Variants in DDX10 observed in about 807,000 individuals in gnomAD.
DDX10 encodes the protein probable ATP-dependent RNA helicase DDX10.
In DDX10, 74 loss-of-function variants were observed where a neutral mutation model predicts 104.3. The ratio of observed to expected loss-of-function variants is 0.71; its 90% CI spans 0.59 to 0.86. DDX10 has a LOEUF of 0.86. DDX10 is among the 40% of genes least tolerant of loss of function. The probability of loss-of-function intolerance (pLI) is 0.00; values close to 1 mark genes in which losing one functional copy is unlikely to be tolerated. For synonymous variants in DDX10, 351 were observed against 353.4 expected (o/e 0.99, Z 0.08); for missense variants, 952 against 1,040.0 (o/e 0.92, Z 1.16).
intron 13 of DDX10, among the ~76,000 whole-genome samples, chr11:108,773,756 A>G (rs1349165915): frequency 6.6e-6 from 1 of 152,186 alleles, no homozygotes; most frequent in Non-Finnish European, 1.5e-5. Flanking sequence ...TGCATCTTAG[A>G]GTTCCCTATA....
intron 13 of DDX10, among the ~76,000 whole-genome samples, chr11:108,815,296 C>CT (rs140482138): frequency 0.02 from 3,006 of 150,536 alleles, 109 homozygotes; most frequent in African/African-American, 0.07. Flanking sequence ...GCCTTTTTTT[C>CT]TTTTTTTTTA....
intron 15 of DDX10, among the ~76,000 whole-genome samples, chr11:108,845,276 AACTTT>A (rs139720355): frequency 0.032 from 4,928 of 152,248 alleles, 259 homozygotes; most frequent in African/African-American, 0.11. Flanking sequence ...TAACTTTTAA[AACTTT>A]ACTTTAAAAA....
intron 10 of DDX10, among the ~76,000 whole-genome samples, chr11:108,714,210 A>T (rs12787498): frequency 0.068 from 10,308 of 152,192 alleles, 396 homozygotes; most frequent in Middle Eastern, 0.13. Context: ...GTCCTCCTGG[A>T]GTTTTTATTT....
intron 16 of DDX10, among the ~76,000 whole-genome samples, chr11:108,881,413 GGTCT>G (rs1472903682): frequency 6.6e-6 from 1 of 152,134 alleles, no homozygotes; most frequent in Non-Finnish European, 1.5e-5. Context: ...TATAAAACAA[GGTCT>G]GTCTATTTCA....
At chr11:108,732,742 A>T (rs1003487664) in intron 13 of DDX10, among the ~76,000 whole-genome samples, 1 of 152,226 alleles carries the variant, frequency 6.6e-6, no homozygotes. Flanking sequence ...ACCTCCCACC[A>T]TAGGGAAGAA....
At chr11:108,776,931 G>T (rs545927552) in intron 13 of DDX10, among the ~76,000 whole-genome samples, 1 of 152,338 alleles carries the variant, frequency 6.6e-6, no homozygotes, top group Non-Finnish European at 1.5e-5. Flanking sequence ...CTTCCAGGTG[G>T]GGACTTGGCC....
At chr11:108,711,449 C>G (rs985224780) in intron 10 of DDX10, among the ~76,000 whole-genome samples, 2 of 152,196 alleles carry the variant, frequency 1.3e-5, no homozygotes, top group Non-Finnish European at 2.9e-5. Flanking sequence ...TCTCCTGCCT[C>G]AGCCTCCTGA....
At chr11:108,866,782 T>C (rs1863012713) in intron 16 of DDX10, among the ~76,000 whole-genome samples, 1 of 152,166 alleles carries the variant, frequency 6.6e-6, no homozygotes, top group African/African-American at 2.4e-5. Flanking sequence ...GGGGCTTAAG[T>C]AAATTAAATG....
chr11:108,807,700 T>G lies in DDX10; in HGVS notation c.1966-30746T>G, dbSNP rs558971754. ...TAGGCCTCTAGGTGAAAATGCTTGG[T>G]AGGCACCTGGACTTTTCTGGGTCTG... is the stretch of plus-strand genomic sequence containing the variant. On this transcript the variant is annotated intron_variant, in intron 13 of 17. Coordinates refer to ENST00000322536, the MANE Select transcript of DDX10 (RefSeq NM_004398.4). Among the ~76,000 whole-genome samples, 2 of 152,312 alleles carry G rather than the reference T, an allele frequency of 1.3e-5. 1 individual carries two copies. Among genetic ancestry groups the G allele is most frequent in the South Asian group, 4.1e-4 (2 of 4,828 alleles).
rs2094217376 is a variant in DDX10 at position 108,671,799 on chromosome 11, C to G, written c.187-1668C>G. ...TCGTCTTCTTTTAAAGAATATGGCGCCTGTAATCCCAGCACTTTGGGAAGC... is the reference window on the plus strand; with the variant it reads ...TCGTCTTCTTTTAAAGAATATGGCGGCTGTAATCCCAGCACTTTGGGAAGC... On this transcript the variant is annotated intron_variant, in intron 1 of 17. Transcript: ENST00000322536. 2.0e-5 allele frequency among the ~76,000 whole-genome samples: 3 copies of G among 152,034 alleles called. No homozygotes were observed. The South Asian group carries it at 6.2e-4, about 32-fold the overall frequency.
At position 108,740,784 on chromosome 11, in the gene DDX10, GAA is replaced by G. The variant is rs1398404681; in HGVS notation, c.1965+17325_1965+17326del. Among the ~76,000 whole-genome samples, 3 of 150,924 alleles carry G rather than the reference GAA, an allele frequency of 2.0e-5. No individual in the cohort carries two copies. In the East Asian group the frequency reaches 5.9e-4, roughly 30 times the overall value. On this transcript the variant is annotated intron_variant, in intron 13 of 17. Coordinates refer to ENST00000322536, the MANE Select transcript of DDX10 (RefSeq NM_004398.4). ...GCTTTTTGGCTATGTATGTCTTTTTGAAAAGTGTCTGGTCATGTCCTTTGCCC... is the reference window on the plus strand; with the variant it reads ...GCTTTTTGGCTATGTATGTCTTTTTGAAGTGTCTGGTCATGTCCTTTGCCC...
At chr11:108,801,787 A>T (rs575333673) in intron 13 of DDX10, among the ~76,000 whole-genome samples, 4 of 152,116 alleles carry the variant, frequency 2.6e-5, no homozygotes, top group Non-Finnish European at 4.4e-5. Context: ...TGTATATACT[A>T]TCAGCTACTA....
intron 16 of DDX10, among the ~76,000 whole-genome samples, chr11:108,864,576 C>T (rs547960062): frequency 4.6e-5 from 7 of 152,048 alleles, no homozygotes; most frequent in South Asian, 2.1e-4. Flanking sequence ...AGTCCTCAAG[C>T]GATTCTCCTG....
intron 13 of DDX10, among the ~76,000 whole-genome samples, chr11:108,758,632 C>T (rs2094347228): frequency 6.6e-6 from 1 of 152,000 alleles, no homozygotes; most frequent in South Asian, 2.1e-4. Flanking sequence ...CCAGAAACCA[C>T]CCACATTGGC....
intron 13 of DDX10, among the ~76,000 whole-genome samples, chr11:108,804,709 G>C (rs1166970812): frequency 1.3e-5 from 2 of 152,102 alleles, no homozygotes; most frequent in African/African-American, 4.8e-5. Flanking sequence ...CCACTTTCAA[G>C]CTCATTCATA....
chr11:108,686,222 A>G (rs1215544233), intron 6 of DDX10, among the ~76,000 whole-genome samples: 1 of 152,170 alleles, frequency 6.6e-6, no homozygotes, highest in Non-Finnish European at 1.5e-5. Flanking sequence ...TGCATTTGCT[A>G]CAATGGATGG....
intron 16 of DDX10, among the ~76,000 whole-genome samples, chr11:108,909,669 G>A (rs143502186): frequency 4.6e-5 from 7 of 152,290 alleles, no homozygotes; most frequent in East Asian, 3.9e-4. Context: ...ACTGGTGTCC[G>A]AAGTGTGGGC....
chr11:108,802,453 CTT>C (rs1039471216), intron 13 of DDX10, among the ~76,000 whole-genome samples: 1 of 152,072 alleles, frequency 6.6e-6, no homozygotes, highest in Non-Finnish European at 1.5e-5. Context: ...TTTTATTAGT[CTT>C]TTGTTTATGC....
chr11:108,811,492 T>C (rs1862179376), intron 13 of DDX10, among the ~76,000 whole-genome samples: 1 of 152,214 alleles, frequency 6.6e-6, no homozygotes, highest in South Asian at 2.1e-4. Flanking sequence ...GGATTTATTT[T>C]TGAAAAGGAA....
Sources: allele counts gnomAD v4.1 joint callset (sites outside exome capture counted in the v4.1 genomes callset), GRCh38; gene constraint gnomAD v4.1.1; transcripts MANE v1.5; gene names NCBI Gene and HGNC (gene_info 2026-07-23, HGNC 2026-07-21).